Variants in ARL8B observed in about 807,000 individuals in gnomAD.
ARL8B encodes ADP-ribosylation factor-like protein 8B.
In ARL8B, 9 loss-of-function variants were observed where a neutral mutation model predicts 30.6. That is an observed-to-expected ratio of 0.29 (90% CI 0.18 to 0.51). The LOEUF (loss-of-function observed/expected upper bound fraction) is 0.51. Among genes scored for constraint, ARL8B ranks in the 20% least tolerant of loss-of-function variants. ARL8B has a pLI of 0.97. For missense variants in ARL8B, 130 were observed against 227.2 expected (o/e 0.57, Z 2.75); for synonymous variants, 74 against 76.0 (o/e 0.97, Z 0.14).
intron 1 of ARL8B, among the ~76,000 whole-genome samples, chr3:5,128,945 C>T (rs555609922): frequency 6.6e-6 from 1 of 152,180 alleles, no homozygotes; most frequent in East Asian, 1.9e-4. Flanking sequence ...ATAGTTTATT[C>T]CATTGTGGTA....
At chr3:5,154,124 C>G (rs1461923672) in intron 1 of ARL8B, among the ~76,000 whole-genome samples, 1 of 151,888 alleles carries the variant, frequency 6.6e-6, no homozygotes, top group Non-Finnish European at 1.5e-5. Context: ...GCTTACCCTG[C>G]TTAGTGTTTG....
chr3:5,131,943 G>A (rs1489230453), intron 1 of ARL8B, among the ~76,000 whole-genome samples: 5 of 152,144 alleles, frequency 3.3e-5, no homozygotes, highest in African/African-American at 1.2e-4. Context: ...GAGTAAAGTG[G>A]CATAATCATG....
intron 1 of ARL8B, among the ~76,000 whole-genome samples, chr3:5,161,526 C>T (rs1266575043): frequency 6.6e-6 from 1 of 152,036 alleles, no homozygotes; most frequent in Non-Finnish European, 1.5e-5. Context: ...TGTTCGGGAG[C>T]AGGAAAGAAG....
In ARL8B at chr3:5,168,991, G is replaced by A. The variant is rs571438359; in HGVS notation, c.124-1512G>A. Among the ~76,000 whole-genome samples, 14 of 152,146 alleles carry A rather than the reference G, an allele frequency of 9.2e-5. No individual in the cohort carries two copies. In the South Asian group the frequency reaches 1.9e-3, roughly 20 times the overall value. On this transcript the variant is annotated intron_variant, in intron 1 of 6. Coordinates refer to ENST00000256496, the MANE Select transcript of ARL8B (RefSeq NM_018184.3). ...AAATATTTAAGAAAAATATAATCAC[G>A]ATTTAGCCATGTGACCTTGGGACTC... is the stretch of plus-strand genomic sequence containing the variant.
intron 1 of ARL8B, among the ~76,000 whole-genome samples, chr3:5,163,586 C>A (rs563198466): frequency 1.4e-4 from 21 of 152,204 alleles, no homozygotes; most frequent in Non-Finnish European, 2.6e-4. Context: ...AAAAAGACTG[C>A]TGCTGGGTGC....
intron 1 of ARL8B, among the ~76,000 whole-genome samples, chr3:5,165,174 CTG>C (rs1274669703): frequency 6.6e-6 from 1 of 152,160 alleles, no homozygotes; most frequent in Non-Finnish European, 1.5e-5. Context: ...CACTTTCAGA[CTG>C]TGAAACTTCT....
At chr3:5,140,750 A>T (rs2054366502) in intron 1 of ARL8B, among the ~76,000 whole-genome samples, 1 of 152,130 alleles carries the variant, frequency 6.6e-6, no homozygotes, top group African/African-American at 2.4e-5. Context: ...GGCTATAATA[A>T]TTGTTCCTGG....
At chr3:5,127,645 T>A (rs1182037843) in intron 1 of ARL8B, among the ~76,000 whole-genome samples, 1 of 152,038 alleles carries the variant, frequency 6.6e-6, no homozygotes, top group African/African-American at 2.4e-5. Flanking sequence ...CTACTTTTAG[T>A]ATCTTTAAAA....
At chr3:5,128,245 G>C (rs1003281451) in intron 1 of ARL8B, among the ~76,000 whole-genome samples, 1 of 151,698 alleles carries the variant, frequency 6.6e-6, no homozygotes, top group Non-Finnish European at 1.5e-5. Context: ...AGGTAAGAAT[G>C]GCAAAAACCA....
chr3:5,178,943 C>G lies in ARL8B; in HGVS notation c.*230C>G, dbSNP rs1425876608. 7.0e-6 allele frequency: 4 copies of G among 575,118 alleles called. No homozygotes were observed. The highest frequency in any genetic ancestry group is 1.1e-5 in the Non-Finnish European group (4 of 372,798). The allele number at this position is 575,118 out of a possible 1,614,324, so 35.6% of individuals were successfully genotyped here. A position where few individuals can be genotyped will look rare whatever the true frequency, so the allele number is the denominator to read the frequency against. On this transcript the variant is annotated 3_prime_UTR_variant, in exon 7 of 7. Transcript: ENST00000256496. ...ACACAAAAAGGCTTCTTACACATAC[C>G]TGTCTTAAACCATGTGTAGAGCTTT...
rs2054649747 is a variant in ARL8B at position 5,169,305 on chromosome 3, T to TG, written c.124-1198_124-1197insG. ...TACCTCATAAAGTGAAATACAGTGT[T>TG]TGTGTGTGTGTGTGTGTGTGTGTGT... On this transcript the variant is annotated intron_variant, in intron 1 of 6. Coordinates refer to ENST00000256496, the MANE Select transcript of ARL8B (RefSeq NM_018184.3). Among the ~76,000 whole-genome samples, 15 of 142,980 alleles carry TG rather than the reference T, an allele frequency of 1.0e-4. No individual in the cohort carries two copies. The East Asian group carries it at 2.4e-3, about 23-fold the overall frequency. The allele number at this position is 142,980 out of a possible 152,430, so 93.8% of individuals were successfully genotyped here.
chr3:5,123,413 G>T (rs2054201303), intron 1 of ARL8B, among the ~76,000 whole-genome samples: 1 of 152,180 alleles, frequency 6.6e-6, no homozygotes, highest in Non-Finnish European at 1.5e-5. Flanking sequence ...CATAGAATGT[G>T]GTGTTTGTTC....
At chr3:5,129,294 C>G (rs1009133134) in intron 1 of ARL8B, among the ~76,000 whole-genome samples, 1 of 152,162 alleles carries the variant, frequency 6.6e-6, no homozygotes, top group African/African-American at 2.4e-5. Context: ...CCTGCCTCAG[C>G]TTCCCAAGTA....
chr3:5,144,860 C>T lies in ARL8B; in HGVS notation c.123+22272C>T, dbSNP rs536909705. Among the ~76,000 whole-genome samples, 7 of 152,302 alleles carry T rather than the reference C, an allele frequency of 4.6e-5. No individual in the cohort carries two copies. The South Asian group carries it at 1.5e-3, about 32-fold the overall frequency. On this transcript the variant is annotated intron_variant, in intron 1 of 6. Coordinates refer to ENST00000256496, the MANE Select transcript of ARL8B (RefSeq NM_018184.3). ...TTCCCCATGTACCAATTCTTTTCCC[C>T]TGCTATTTATTAGGCCCTGCACTGT...
intron 1 of ARL8B, among the ~76,000 whole-genome samples, chr3:5,155,190 G>A (rs1197635670): frequency 2.0e-5 from 3 of 152,106 alleles, no homozygotes; most frequent in Admixed American, 6.5e-5. Flanking sequence ...AGGATTCTCG[G>A]TTAACAGTTT....
Position 5,134,875 on chromosome 3 carries a change from T to A in ARL8B, c.123+12287T>A, listed in dbSNP as rs1322341257. 5.3e-5 allele frequency among the ~76,000 whole-genome samples: 8 copies of A among 152,240 alleles called. No homozygotes were observed. The East Asian group carries it at 1.5e-3, about 29-fold the overall frequency. On this transcript the variant is annotated intron_variant, in intron 1 of 6. Transcript: ENST00000256496. ...TGTCATTCTTTTTGTTGAGATGGAG[T>A]CTCGCTCTGTCTCCCAGGCTGGAGT... is the stretch of plus-strand genomic sequence containing the variant.
intron 1 of ARL8B, among the ~76,000 whole-genome samples, chr3:5,125,324 A>C (rs965567799): frequency 1.3e-5 from 2 of 152,212 alleles, no homozygotes; most frequent in Non-Finnish European, 2.9e-5. Flanking sequence ...CTTGAAAAAT[A>C]CTGAGAAGGG....
intron 1 of ARL8B, among the ~76,000 whole-genome samples, chr3:5,163,337 A>G (rs1212222891): frequency 6.6e-6 from 1 of 152,124 alleles, no homozygotes; most frequent in African/African-American, 2.4e-5. Context: ...CTGCTTCTGT[A>G]TTAATATCGC....
intron 4 of ARL8B, among the ~76,000 whole-genome samples, chr3:5,173,710 GTCTC>G (rs1255755631): frequency 1.4e-5 from 2 of 145,588 alleles, no homozygotes; most frequent in East Asian, 3.9e-4. Context: ...GCGAGACTCT[GTCTC>G]AAACAAACAA....
Sources: gnomAD v4.1 joint callset for allele counts (sites outside exome capture counted in the v4.1 genomes callset) on GRCh38, gnomAD v4.1.1 for gene constraint, MANE v1.5 for transcripts, NCBI Gene and HGNC (gene_info 2026-07-23, HGNC 2026-07-21) for gene names.